Variants in MERTK observed in about 807,000 individuals in gnomAD.
MERTK encodes tyrosine-protein kinase Mer.
In MERTK, 69 loss-of-function variants were observed where a neutral mutation model predicts 99.3. That is an observed-to-expected ratio of 0.70 (90% CI 0.57 to 0.85). MERTK has a LOEUF of 0.85. Ranked by LOEUF, MERTK falls within the 40% of genes least tolerant of loss-of-function variation. The pLI, the probability that MERTK is intolerant of heterozygous loss-of-function variation, is 0.00. For synonymous variants in MERTK, 426 were observed against 467.6 expected, an observed-to-expected ratio of 0.91 and a Z score of 1.15; for missense variants, 1,125 against 1,249.4, an observed-to-expected ratio of 0.90 and a Z score of 1.50.
chr2:112,020,651 G>A (rs1211687540), intron 16 of MERTK: 3 of 471,008 alleles, frequency 6.4e-6, no homozygotes, highest in South Asian at 4.6e-5. Flanking sequence ...TGCTCTTACT[G>A]CAGGTAATTC....
intron 2 of MERTK, among the ~76,000 whole-genome samples, chr2:111,944,602 T>TGA (rs1684929988): frequency 2.0e-5 from 1 of 49,222 alleles, no homozygotes; most frequent in Non-Finnish European, 4.3e-5. Context: ...ATGAAAGACT[T>TGA]GATGTTGCAG....
chr2:111,994,804 G>T, intron 9 of MERTK: 1 of 293,232 alleles, frequency 3.4e-6, no homozygotes, highest in South Asian at 3.3e-5. Context: ...AAAAAAGAAG[G>T]GAAAAATAAG....
At chr2:111,987,333 A>G (rs1457671355) in intron 8 of MERTK, among the ~76,000 whole-genome samples, 2 of 152,168 alleles carry the variant, frequency 1.3e-5, no homozygotes, top group Non-Finnish European at 2.9e-5. Context: ...TACTGAATGG[A>G]TATTTATTAT....
chr2:111,932,099 A>G (rs777699971), intron 2 of MERTK, among the ~76,000 whole-genome samples: 3 of 152,230 alleles, frequency 2.0e-5, no homozygotes, highest in Non-Finnish European at 4.4e-5. Flanking sequence ...TATTATATAT[A>G]AACTCATTCT....
intron 1 of MERTK, among the ~76,000 whole-genome samples, chr2:111,923,114 C>T (rs967522308): frequency 2.0e-5 from 3 of 152,178 alleles, no homozygotes; most frequent in African/African-American, 4.8e-5. Flanking sequence ...ACGTCACACC[C>T]GTTTATTCTG....
chr2:112,012,023 A>T (rs1200448355), intron 15 of MERTK, among the ~76,000 whole-genome samples: 1 of 152,196 alleles, frequency 6.6e-6, no homozygotes, highest in African/African-American at 2.4e-5. Context: ...AGGGGCAGGA[A>T]GTGTGCAAGG....
At chr2:111,923,914 G>C (rs954773269) in intron 1 of MERTK, among the ~76,000 whole-genome samples, 2 of 152,164 alleles carry the variant, frequency 1.3e-5, no homozygotes, top group Admixed American at 1.3e-4. Flanking sequence ...CCAAACCCTT[G>C]GGTCCAAAAC....
At chr2:111,906,693 T>TTGTAA (rs1273388183) in intron 1 of MERTK, among the ~76,000 whole-genome samples, 28 of 152,354 alleles carry the variant, frequency 1.8e-4, no homozygotes, top group African/African-American at 6.7e-4. Flanking sequence ...TTCTGGCACA[T>TTGTAA]GATTTGAAGA....
chr2:111,911,690 T>G (rs1310491643), intron 1 of MERTK, among the ~76,000 whole-genome samples: 1 of 23,336 alleles, frequency 4.3e-5, no homozygotes, highest in Admixed American at 4.3e-4. Context: ...GCGCCCAGCC[T>G]TTTTTTTTTT....
intron 2 of MERTK, among the ~76,000 whole-genome samples, chr2:111,944,506 A>C: frequency 6.6e-6 from 1 of 152,312 alleles, no homozygotes; most frequent in African/African-American, 2.4e-5. Context: ...TGAATTCCTT[A>C]AAATAATTCC....
chr2:112,013,101 C>G (rs1677140621), intron 15 of MERTK: 1 of 152,066 alleles, frequency 6.6e-6, no homozygotes, highest in Admixed American at 6.6e-5. Context: ...AGAGTGGCCC[C>G]CTTTCTTTTT....
chr2:112,002,011 C>T (rs1676880428), intron 11 of MERTK, among the ~76,000 whole-genome samples: 1 of 151,594 alleles, frequency 6.6e-6, no homozygotes, highest in Non-Finnish European at 1.5e-5. Flanking sequence ...CACTTTCTTT[C>T]CTTTATTGGA....
chr2:111,901,862 A>AT (rs938328924), intron 1 of MERTK, among the ~76,000 whole-genome samples: 1 of 151,804 alleles, frequency 6.6e-6, no homozygotes, highest in African/African-American at 2.4e-5. Flanking sequence ...GCTGAATACA[A>AT]TTTTTAAAAA....
In MERTK at chr2:112,022,388, A is replaced by T; in HGVS notation, c.2480A>T (p.Asp827Val). The stretch of plus-strand genomic sequence containing the variant: ...TTGAAGCAGCCCGAAGACTGCCTGG[A>T]TGAACTGTGAGTGGGCTTCTCTGTC... ...HRLKQPEDCL[D>V]ELYEIMYSCW... is the part of the protein sequence containing the mutation. The change falls in exon 18 of 19, where the codon GAT becomes GTT. Residue 827 changes from aspartate (D) to valine (V), a missense_variant. Asp to Val is a radical substitution (Grantham distance 152). Transcript: ENST00000295408. 1 of 1,614,224 alleles carries T rather than the reference A, an allele frequency of 6.2e-7. No individual in the cohort carries two copies. The highest frequency in any genetic ancestry group is 8.5e-7 in the Non-Finnish European group (1 of 1,180,046).
In MERTK at chr2:111,929,192, C is replaced by T. The variant is rs1684622606; in HGVS notation, c.134C>T (p.Thr45Ile). The change falls in exon 2 of 19, where the codon ACT (threonine) becomes ATT (isoleucine). Residue 45 changes from threonine (T) to isoleucine (I), a missense_variant. Physicochemically the swap from Thr to Ile is moderately conservative, Grantham distance 89 (BLOSUM62 -1). Coordinates refer to ENST00000295408, the MANE Select transcript of MERTK (RefSeq NM_006343.3). ...FPGPFPGSLQTDHTPLLSLPH... is the reference protein window; with the variant it reads ...FPGPFPGSLQIDHTPLLSLPH... The stretch of plus-strand genomic sequence containing the variant: ...GGACCTTTTCCAGGGAGCCTGCAAA[C>T]TGACCACACACCGCTGTTATCCCTT... 1 of 1,614,094 alleles carries T rather than the reference C, an allele frequency of 6.2e-7. No individual in the cohort carries two copies. The highest frequency in any genetic ancestry group is 1.3e-5 in the African/African-American group (1 of 74,930).
At chr2:112,007,315 C>T (rs10192602) in intron 13 of MERTK, among the ~76,000 whole-genome samples, 49,753 of 152,004 alleles carry the variant, frequency 0.33, 8,458 homozygotes, top group Middle Eastern at 0.5. Context: ...CCACCACGCC[C>T]GCCTAATTTT....
At chr2:111,944,370 G>A in intron 2 of MERTK, among the ~76,000 whole-genome samples, 2 of 147,534 alleles carry the variant, frequency 1.4e-5, no homozygotes, top group Admixed American at 6.8e-5. Flanking sequence ...GTTTTTCCAA[G>A]AAACCGAACC....
rs548999905 is a variant in MERTK, at chr2:111,949,103, G to T, written c.757+1536G>T. 2.0e-5 allele frequency among the ~76,000 whole-genome samples: 3 copies of T among 151,918 alleles called. No homozygotes were observed. In the East Asian group the frequency reaches 5.8e-4, roughly 29 times the overall value. On this transcript the variant is annotated intron_variant, in intron 4 of 18. Transcript: ENST00000295408. ...TTCTTCCATCGGCCCTTTGTCCCATGACCCAACTCATCACTTCTTCAGAGA... is the reference window on the plus strand; with the variant it reads ...TTCTTCCATCGGCCCTTTGTCCCATTACCCAACTCATCACTTCTTCAGAGA...
intron 4 of MERTK, among the ~76,000 whole-genome samples, chr2:111,953,164 C>G (rs1685087801): frequency 6.6e-6 from 1 of 152,150 alleles, no homozygotes; most frequent in South Asian, 2.1e-4. Flanking sequence ...CATCAGGGGC[C>G]ATCGGGTACC....
Sources: allele counts gnomAD v4.1 joint callset (sites outside exome capture counted in the v4.1 genomes callset), GRCh38; gene constraint gnomAD v4.1.1; transcripts MANE v1.5; gene names NCBI Gene and HGNC (gene_info 2026-07-23, HGNC 2026-07-21).